Variants in DENND1A observed in about 807,000 individuals in gnomAD.
DENND1A encodes DENN domain containing 1A, also known as DENN domain-containing protein 1A.
In DENND1A, 51 loss-of-function variants were observed where a neutral mutation model predicts 113.7. The observed-to-expected ratio is 0.45, with a 90% CI of 0.36 to 0.57. DENND1A has a LOEUF of 0.57. Among genes scored for constraint, DENND1A ranks in the 20% least tolerant of loss-of-function variants. The probability of loss-of-function intolerance (pLI) is 0.00; values close to 1 mark genes in which losing one functional copy is unlikely to be tolerated. For synonymous variants in DENND1A, 565 were observed against 570.8 expected (o/e 0.99, Z 0.14); for missense variants, 1,258 against 1,395.9 (o/e 0.90, Z 1.57).
chr9:123,911,945 C>T (rs775056185), intron 1 of DENND1A, among the ~76,000 whole-genome samples: 1 of 152,062 alleles, frequency 6.6e-6, no homozygotes, highest in Non-Finnish European at 1.5e-5. Flanking sequence ...CCGCCCACCT[C>T]GGCCTCCCAA....
At chr9:123,915,885 T>G (rs1422636444) in intron 1 of DENND1A, among the ~76,000 whole-genome samples, 1 of 149,334 alleles carries the variant, frequency 6.7e-6, no homozygotes, top group Non-Finnish European at 1.5e-5. Flanking sequence ...TTTTAAAGTT[T>G]GACAAACACT....
chr9:123,531,558 C>CT lies in DENND1A; in HGVS notation c.993+26011_993+26012insA, dbSNP rs1331052381. Reference sequence around the variant, plus strand: ...TTCTCTTCCCCCCTCTCTCTCTACACACACACACACACACACACACACACA... The same window carrying CT: ...TTCTCTTCCCCCCTCTCTCTCTACACTACACACACACACACACACACACACA... On this transcript the variant is annotated intron_variant, in intron 13 of 23. Transcript: ENST00000394215. Among the ~76,000 whole-genome samples, 164 of 83,944 alleles carry CT rather than the reference C, an allele frequency of 2.0e-3. 1 individual carries two copies. The highest frequency in any genetic ancestry group is 0.014 in the African/African-American group (155 of 11,420). 55.1% of individuals were successfully genotyped at this position (83,944 alleles called of 152,430 possible). A position where few individuals can be genotyped will look rare whatever the true frequency, so the allele number is the denominator to read the frequency against.
intron 1 of DENND1A, among the ~76,000 whole-genome samples, chr9:123,896,674 T>C (rs1850806196): frequency 6.6e-6 from 1 of 152,012 alleles, no homozygotes; most frequent in Non-Finnish European, 1.5e-5. Context: ...TAAGAAACTA[T>C]GACATGACCA....
intron 13 of DENND1A, among the ~76,000 whole-genome samples, chr9:123,545,847 T>A (rs907009055): frequency 6.6e-6 from 1 of 152,110 alleles, no homozygotes; most frequent in African/African-American, 2.4e-5. Context: ...CTGCAAATTG[T>A]CAAATGTTAT....
At chr9:123,610,219 G>T (rs768726981) in intron 10 of DENND1A, among the ~76,000 whole-genome samples, 1 of 152,166 alleles carries the variant, frequency 6.6e-6, no homozygotes, top group Non-Finnish European at 1.5e-5. Flanking sequence ...TGATTTCAGG[G>T]GTCGGTGTGT....
At chr9:123,881,919 T>C (rs1848366895) in intron 1 of DENND1A, among the ~76,000 whole-genome samples, 1 of 152,204 alleles carries the variant, frequency 6.6e-6, no homozygotes. Flanking sequence ...ACTCGGCCTG[T>C]CAATAGCATT....
rs755439880 is a variant in DENND1A at position 123,382,241 on chromosome 9, C to A, written c.2404G>T (p.Asp802Tyr). ...LGDVSERLQT[D>Y]RDRRAALSPG... is the part of the protein sequence containing the mutation. Reference sequence around the variant, plus strand: ...CTCAGGGCAGCTCGCCTGTCCCGATCCGTCTGCAGCCGCTCTGAGACGTCA... The same window carrying A: ...CTCAGGGCAGCTCGCCTGTCCCGATACGTCTGCAGCCGCTCTGAGACGTCA... The change falls in exon 24 of 24, where the codon GAT becomes TAT. Residue 802 changes from aspartate to tyrosine, a missense_variant. Asp to Tyr is a radical substitution (Grantham distance 160). Around this residue, in one of 2 missense-constraint regions of DENND1A, gnomAD observed 1,159 missense variants for 1,231.7 expected, o/e 0.94. Transcript: ENST00000394215. 1 of 1,609,454 alleles carries A rather than the reference C, an allele frequency of 6.2e-7. No individual in the cohort carries two copies. The highest frequency in any genetic ancestry group is 8.5e-7 in the Non-Finnish European group (1 of 1,179,514).
chr9:123,609,499 G>T lies in DENND1A; in HGVS notation c.720-18C>A. 2 of 1,611,494 alleles carry T rather than the reference G, an allele frequency of 1.2e-6. No individual in the cohort carries two copies. Among genetic ancestry groups the T allele is most frequent in the South Asian group, 2.2e-5 (2 of 90,362 alleles). On this transcript the variant is annotated intron_variant, in intron 10 of 23. Transcript: ENST00000394215. ...TGGGAGCACTGTGAAGAGAAACAGA[G>T]ACACACAGCTGCTTTAATGTCTGTT...
At position 123,422,796 on chromosome 9, in the gene DENND1A, C is replaced by A. The variant is rs531247389; in HGVS notation, c.1489-10967G>T. 6.6e-6 allele frequency among the ~76,000 whole-genome samples: 1 copy of A among 152,264 alleles called. No homozygotes were observed. The highest frequency in any genetic ancestry group is 1.5e-5 in the Non-Finnish European group (1 of 68,016). The stretch of plus-strand genomic sequence containing the variant: ...TTTGTACTGCTGTGAGATGGGAAAA[C>A]GTGTGACATTTTTATTCATGGTGGC... On this transcript the variant is annotated intron_variant, in intron 19 of 23. Transcript: ENST00000394215. This position sits in a 1 kb window ranked among gnomAD's most constrained non-coding sequence, Gnocchi z 4.8.
chr9:123,450,768 T>A lies in DENND1A; in HGVS notation c.1300-19A>T. Reference sequence around the variant, plus strand: ...CTTTTGCCTGCATGAAAAATTAATTTAAGTTAAGATTCCCTTTCTGTTTCC... The same window carrying A: ...CTTTTGCCTGCATGAAAAATTAATTAAAGTTAAGATTCCCTTTCTGTTTCC... On this transcript the variant is annotated intron_variant, in intron 17 of 23. Transcript: ENST00000394215. 1 of 1,602,388 alleles carries A rather than the reference T, an allele frequency of 6.2e-7. No individual in the cohort carries two copies. The highest frequency in any genetic ancestry group is 8.5e-7 in the Non-Finnish European group (1 of 1,172,716).
chr9:123,382,731 G>A (rs2042346633), intron 23 of DENND1A, 106 bp from the exon 24 acceptor site: 5 of 1,224,880 alleles, frequency 4.1e-6, no homozygotes, highest in Non-Finnish European at 5.8e-6. Flanking sequence ...GGGCCTAGTT[G>A]TGTGGCTGAT....
In DENND1A at chr9:123,683,138, A is replaced by G. The variant is rs149476966; in HGVS notation, c.303-6349T>C. Among the ~76,000 whole-genome samples, 974 of 151,994 alleles carry G rather than the reference A, an allele frequency of 6.4e-3. 4 individuals carry two copies. The highest frequency in any genetic ancestry group is 0.011 in the Non-Finnish European group (757 of 67,986). Reference sequence around the variant, plus strand: ...AAATTTGCCATGAACTAAAACTACAACTCTTGCAAAGGAGACTGGATTTTA... The same window carrying G: ...AAATTTGCCATGAACTAAAACTACAGCTCTTGCAAAGGAGACTGGATTTTA... On this transcript the variant is annotated intron_variant, in intron 5 of 23. Transcript: ENST00000394215.
intron 1 of DENND1A, among the ~76,000 whole-genome samples, chr9:123,914,795 G>T (rs1854786876): frequency 6.6e-6 from 1 of 151,878 alleles, no homozygotes; most frequent in African/African-American, 2.4e-5. Context: ...CAAGAACTCA[G>T]TCATCACCAA....
intron 2 of DENND1A, among the ~76,000 whole-genome samples, chr9:123,819,510 G>A (rs535496885): frequency 6.6e-6 from 1 of 152,210 alleles, no homozygotes; most frequent in African/African-American, 2.4e-5. Context: ...CTTAAAGACT[G>A]GGATTAAAAA....
At chr9:123,844,097 A>C (rs1231000036) in intron 2 of DENND1A, among the ~76,000 whole-genome samples, 2 of 84,114 alleles carry the variant, frequency 2.4e-5, no homozygotes, top group African/African-American at 3.7e-4. Context: ...ATCTAAAAAA[A>C]TGATATAATT....
chr9:123,560,016 CAA>C (rs2057648395), intron 12 of DENND1A, among the ~76,000 whole-genome samples: 2 of 152,264 alleles, frequency 1.3e-5, no homozygotes, highest in South Asian at 2.1e-4. Context: ...AGCATTGTGT[CAA>C]GACTTCATAC....
chr9:123,769,607 G>A (rs1829399292), intron 3 of DENND1A, 44 bp from the exon 4 acceptor site: 1 of 1,541,946 alleles, frequency 6.5e-7, no homozygotes, highest in African/African-American at 1.4e-5. Flanking sequence ...AATGGGACCA[G>A]TAAATCTAAC....
chr9:123,886,334 G>C (rs924136205), intron 1 of DENND1A, among the ~76,000 whole-genome samples: 2 of 152,080 alleles, frequency 1.3e-5, no homozygotes, highest in African/African-American at 4.8e-5. Context: ...GTTGCATATG[G>C]TAACCATGCC....
At chr9:123,772,220 A>G (rs1393180943) in intron 3 of DENND1A, among the ~76,000 whole-genome samples, 1 of 152,214 alleles carries the variant, frequency 6.6e-6, no homozygotes, top group Non-Finnish European at 1.5e-5. Flanking sequence ...TTCCTTACAC[A>G]TAAACATTCA....
Sources: gnomAD v4.1 joint callset for allele counts (sites outside exome capture counted in the v4.1 genomes callset) on GRCh38, gnomAD v4.1.1 for gene constraint, gnomAD v4.1.1 regional missense constraint, Gnocchi (gnomAD v3.1) non-coding constraint, MANE v1.5 for transcripts, NCBI Gene and HGNC (gene_info 2026-07-23, HGNC 2026-07-21) for gene names.